The following RBM20 variants were observed in gnomAD, a reference collection of about 807,000 sequenced individuals.
RBM20 encodes the protein RNA binding motif protein 20.
Under a neutral mutation model 110.1 loss-of-function variants are expected in RBM20, and 51 were observed. That is an observed-to-expected ratio of 0.46 (90% confidence interval 0.37 to 0.59). The LOEUF (loss-of-function observed/expected upper bound fraction) is 0.59, where lower values mean the gene tolerates loss of function less well. Ranked by LOEUF, RBM20 falls within the 20% of genes least tolerant of loss-of-function variation. RBM20 has a pLI of 0.00. For missense variants in RBM20, 1,512 were observed against 1,574.9 expected (o/e 0.96, Z 0.68); for synonymous variants, 589 against 618.2 (o/e 0.95, Z 0.70).
chr10:110,728,312 A>G (rs1238387855), intron 1 of RBM20, among the ~76,000 whole-genome samples: 2 of 152,208 alleles, frequency 1.3e-5, no homozygotes, highest in Non-Finnish European at 2.9e-5. Context: ...GGCCCCTGCC[A>G]TAAATCACGT....
intron 1 of RBM20, among the ~76,000 whole-genome samples, chr10:110,659,494 T>C (rs1194296461): frequency 6.6e-6 from 1 of 152,190 alleles, no homozygotes; most frequent in Admixed American, 6.5e-5. Flanking sequence ...TTTTGTCTCA[T>C]GCTGTCATCT....
chr10:110,749,850 A>G (rs1223214173), intron 1 of RBM20, among the ~76,000 whole-genome samples: 1 of 152,216 alleles, frequency 6.6e-6, no homozygotes, highest in Non-Finnish European at 1.5e-5. Context: ...GATAAATCTC[A>G]GCTAAACCAG....
intron 1 of RBM20, among the ~76,000 whole-genome samples, chr10:110,670,898 ATATTT>A (rs1862248102): frequency 1.3e-5 from 2 of 152,208 alleles, no homozygotes; most frequent in Admixed American, 6.5e-5. Context: ...TCATGTGCAT[ATATTT>A]TAAAGTATCA....
At position 110,739,089 on chromosome 10, in the gene RBM20, G is replaced by C. The variant is rs1843701191; in HGVS notation, c.192-41712G>C. Among the ~76,000 whole-genome samples the C allele has an allele frequency of 1.3e-5, 2 of 152,188 alleles. No individual in the cohort carries two copies. The highest frequency in any genetic ancestry group is 4.1e-4 in the South Asian group (2 of 4,834). On this transcript the variant is annotated intron_variant, in intron 1 of 13. Transcript: ENST00000369519. The surrounding 1 kb of genome is among the most constrained non-coding windows in gnomAD (Gnocchi z 4.1). ...GGACAGTCAGGAAGTACCTGTCGCA[G>C]GTGGCATTTTCTGGCTGGGCACAGG...
intron 1 of RBM20, among the ~76,000 whole-genome samples, chr10:110,662,735 C>T (rs577257321): frequency 6.6e-5 from 10 of 152,304 alleles, no homozygotes; most frequent in African/African-American, 2.4e-4. Context: ...TCACTATTTG[C>T]AATAGCAAAA....
chr10:110,797,448 G>A (rs1271207675), intron 5 of RBM20, 60 bp from the exon 6 acceptor site: 1 of 1,455,386 alleles, frequency 6.9e-7, no homozygotes, highest in African/African-American at 1.4e-5. Flanking sequence ...AGAACGTCTG[G>A]AAGAGAGGGG....
At chr10:110,833,388 C>CAAAAAAAAAAAAAA in intron 13 of RBM20, among the ~76,000 whole-genome samples, 1 of 2,052 alleles carries the variant, frequency 4.9e-4, no homozygotes, top group Non-Finnish European at 4.7e-3. Context: ...AACTCTGTCT[C>CAAAAAAAAAAAAAA]AGAAAAAAAA....
chr10:110,670,030 A>T (rs1356488651), intron 1 of RBM20, among the ~76,000 whole-genome samples: 1 of 152,236 alleles, frequency 6.6e-6, no homozygotes, highest in African/African-American at 2.4e-5. Flanking sequence ...AACTTTATTT[A>T]GTAAGTCTAA....
chr10:110,704,241 C>A (rs1406185262), intron 1 of RBM20, among the ~76,000 whole-genome samples: 1 of 152,214 alleles, frequency 6.6e-6, no homozygotes, highest in African/African-American at 2.4e-5. Flanking sequence ...TTTTTCCTTG[C>A]TGAATAGTAT....
At chr10:110,655,886 T>C (rs1862019379) in intron 1 of RBM20, among the ~76,000 whole-genome samples, 1 of 126,160 alleles carries the variant, frequency 7.9e-6, no homozygotes, top group South Asian at 3.0e-4. Context: ...AATAATAAAA[T>C]TTAAAACTTT....
At chr10:110,792,187 C>CTATG (rs1014419374) in intron 5 of RBM20, among the ~76,000 whole-genome samples, 1 of 145,998 alleles carries the variant, frequency 6.8e-6, no homozygotes, top group Non-Finnish European at 1.5e-5. Flanking sequence ...ATCTATCTAT[C>CTATG]TATGTATCCA....
chr10:110,671,696 T>TA (rs1358359638), intron 1 of RBM20, among the ~76,000 whole-genome samples: 1 of 151,732 alleles, frequency 6.6e-6, no homozygotes, highest in Non-Finnish European at 1.5e-5. Context: ...AGATTTTTTT[T>TA]AAAAAACTAA....
At chr10:110,730,713 C>T (rs1310202293) in intron 1 of RBM20, among the ~76,000 whole-genome samples, 2 of 152,246 alleles carry the variant, frequency 1.3e-5, no homozygotes, top group Non-Finnish European at 2.9e-5. Flanking sequence ...TTTCCAATCT[C>T]TCTTGGAGTC....
chr10:110,822,133 G>A (rs1844922287), intron 11 of RBM20, among the ~76,000 whole-genome samples, 198 bp downstream of exon 11: 1 of 152,252 alleles, frequency 6.6e-6, no homozygotes, highest in Non-Finnish European at 1.5e-5. Context: ...GGCAAGTGGT[G>A]TAAAGGAAGT....
chr10:110,738,510 G>A (rs186114153), intron 1 of RBM20, among the ~76,000 whole-genome samples: 345 of 152,252 alleles, frequency 2.3e-3, no homozygotes, highest in African/African-American at 6.9e-3. Context: ...CTCACGGCCC[G>A]AACCCCCCGT....
rs376150642 is a variant in RBM20 at position 110,774,538 on chromosome 10, A to G, written c.192-6263A>G. Among the ~76,000 whole-genome samples the G allele has an allele frequency of 4.5e-4, 68 of 150,102 alleles. 3 individuals carry two copies. In the South Asian group the frequency reaches 0.014, roughly 31 times the overall value. On this transcript the variant is annotated intron_variant, in intron 1 of 13. Coordinates refer to ENST00000369519, the MANE Select transcript of RBM20 (RefSeq NM_001134363.3). ...GATAGGCGTGTATCCGACCACAGCT[A>G]CCTCCATCAGCCCTGAGGACAGAGG... is the stretch of plus-strand genomic sequence containing the variant.
chr10:110,820,221 G>C, intron 10 of RBM20, 45 bp downstream of exon 10: 2 of 1,304,950 alleles, frequency 1.5e-6, no homozygotes, highest in Non-Finnish European at 2.2e-6. Context: ...GAGGGACTGA[G>C]TCACAGGAGT....
Position 110,839,410 on chromosome 10 carries a change from GTGTT to G in RBM20, c.*3438_*3441del, listed in dbSNP as rs2036616274. 1.3e-5 allele frequency: 2 copies of G among 152,168 alleles called. No homozygotes were observed. The highest frequency in any genetic ancestry group is 2.1e-4 in the South Asian group (1 of 4,836). 9.4% of individuals were successfully genotyped at this position (152,168 alleles called of 1,614,324 possible). A position where few individuals can be genotyped will look rare whatever the true frequency, so the allele number is the denominator to read the frequency against. On this transcript the variant is annotated 3_prime_UTR_variant, in exon 14 of 14. Coordinates refer to ENST00000369519, the MANE Select transcript of RBM20 (RefSeq NM_001134363.3). ...CCTGATCTGTATAACTGACTGCAAA[GTGTT>G]TGTTTTTACAAAAGAGAAAAGAAAA... is the stretch of plus-strand genomic sequence containing the variant.
At chr10:110,774,254 C>T (rs981108287) in intron 1 of RBM20, among the ~76,000 whole-genome samples, 4 of 152,246 alleles carry the variant, frequency 2.6e-5, no homozygotes, top group Admixed American at 6.5e-5. Context: ...AAACACAAAA[C>T]AAAAGAGAGA....
Sources: gnomAD v4.1 joint callset for allele counts (sites outside exome capture counted in the v4.1 genomes callset) on GRCh38, gnomAD v4.1.1 for gene constraint, Gnocchi (gnomAD v3.1) non-coding constraint, MANE v1.5 for transcripts, NCBI Gene and HGNC (gene_info 2026-07-23, HGNC 2026-07-21) for gene names.